The following TMEM161B variants were observed in gnomAD, a reference collection of about 807,000 sequenced individuals.
TMEM161B encodes transmembrane protein 161B.
Under a neutral mutation model 61.8 loss-of-function variants are expected in TMEM161B, and 34 were observed. The observed-to-expected ratio is 0.55, with a 90% CI of 0.42 to 0.73. TMEM161B has a LOEUF of 0.73. TMEM161B is among the 30% of genes least tolerant of loss of function. TMEM161B has a pLI of 0.00. For synonymous variants in TMEM161B, 167 were observed against 192.8 expected (o/e 0.87, Z 1.11); for missense variants, 456 against 558.5 (o/e 0.82, Z 1.85).
downstream of TMEM161B, among the ~76,000 whole-genome samples, chr5:88,191,909 ACCGCG>A (rs945126876): frequency 1.5e-5 from 2 of 132,238 alleles, no homozygotes; most frequent in African/African-American, 5.8e-5. Flanking sequence ...GTGAGCCGAG[ACCGCG>A]CCACTGCACT....
chr5:88,187,552 A>G (rs1169366782), downstream of TMEM161B, among the ~76,000 whole-genome samples: 1 of 152,166 alleles, frequency 6.6e-6, no homozygotes, highest in Non-Finnish European at 1.5e-5. Context: ...GTAAAAAGCT[A>G]CTTCTAACTT....
chr5:88,233,404 G>C (rs557278529), intron 2 of TMEM161B, among the ~76,000 whole-genome samples: 1 of 152,148 alleles, frequency 6.6e-6, no homozygotes, highest in South Asian at 2.1e-4. Flanking sequence ...AAAGCACAGA[G>C]GCATGAAAGA....
At chr5:88,225,700 A>G (rs1749944185) in intron 4 of TMEM161B, 69 bp downstream of exon 4, 1 of 1,003,104 alleles carries the variant, frequency 1.0e-6, no homozygotes, top group Non-Finnish European at 1.5e-6. Flanking sequence ...AATGATTAAA[A>G]TGAAAGTACT....
rs766857198 is a variant in TMEM161B, at chr5:88,202,913, G to A, written c.914+49C>T. 4 of 1,188,402 alleles carry A rather than the reference G, an allele frequency of 3.4e-6. No homozygotes were observed. In the East Asian group the frequency reaches 7.0e-5, roughly 21 times the overall value. The allele number at this position is 1,188,402 out of a possible 1,614,324, so 73.6% of individuals were successfully genotyped here. A position where few individuals can be genotyped will look rare whatever the true frequency, so the allele number is the denominator to read the frequency against. On this transcript the variant is annotated intron_variant, in intron 9 of 11. Coordinates refer to ENST00000296595, the MANE Select transcript of TMEM161B (RefSeq NM_153354.5). ...AACGAAATACAGTAAATAACATTTA[G>A]TAAAGCAGTTTTGGTGATAAAAATC...
intron 1 of TMEM161B, among the ~76,000 whole-genome samples, chr5:88,263,315 T>C (rs1406828673): frequency 6.6e-6 from 1 of 152,166 alleles, no homozygotes; most frequent in Non-Finnish European, 1.5e-5. Context: ...CATGAGATCA[T>C]CAGCCTCTCC....
At chr5:88,189,947 T>C in exon 13 of TMEM161B, 3 of 642,144 alleles carry the variant, frequency 4.7e-6, no homozygotes, top group Middle Eastern at 8.2e-4. Context: ...GCAGTTTCCA[T>C]GTGATCCCCA....
chr5:88,248,534 C>T (rs867908713), intron 1 of TMEM161B, among the ~76,000 whole-genome samples: 3 of 152,148 alleles, frequency 2.0e-5, no homozygotes, highest in South Asian at 2.1e-4. Context: ...AGAGGGATCG[C>T]TCTGCTTACA....
At chr5:88,264,555 C>T (rs185804285) in intron 1 of TMEM161B, among the ~76,000 whole-genome samples, 1 of 152,218 alleles carries the variant, frequency 6.6e-6, no homozygotes, top group African/African-American at 2.4e-5. Context: ...ACCAGAAATA[C>T]CATTTGACCC....
chr5:88,199,089 G>T lies in TMEM161B; in HGVS notation c.976C>A (p.Arg326=), dbSNP rs746854349. 1 of 1,612,782 alleles carries T rather than the reference G, an allele frequency of 6.2e-7. No homozygotes were observed. Among genetic ancestry groups the T allele is most frequent in the Admixed American group, 1.7e-5 (1 of 59,808 alleles). Residue 326 remains arginine, a synonymous_variant, in exon 10 of 12, where the codon CGG becomes AGG. Coordinates refer to ENST00000296595, the MANE Select transcript of TMEM161B (RefSeq NM_153354.5). The part of the protein sequence containing the change: ...LWLIILLCAL[R]LAMMRSHLQA... Reference sequence around the variant, plus strand: ...AGGTGACTACGCATCATGGCCAACCGCAAAGCACACAGCAGGATTATTAAC... The same window carrying T: ...AGGTGACTACGCATCATGGCCAACCTCAAAGCACACAGCAGGATTATTAAC...
chr5:88,261,599 T>C (rs986561140), intron 1 of TMEM161B, among the ~76,000 whole-genome samples: 64 of 147,590 alleles, frequency 4.3e-4, no homozygotes, highest in African/African-American at 1.5e-3. Context: ...CAGAATAGAA[T>C]AGAGGGGCCA....
At chr5:88,224,860 T>C (rs1161952744) in intron 4 of TMEM161B, among the ~76,000 whole-genome samples, 1 of 152,142 alleles carries the variant, frequency 6.6e-6, no homozygotes, top group Non-Finnish European at 1.5e-5. Flanking sequence ...ACAGGAAATA[T>C]ATTTTTTCTC....
chr5:88,215,497 C>CAA (rs34713537), intron 5 of TMEM161B, among the ~76,000 whole-genome samples: 21 of 150,434 alleles, frequency 1.4e-4, no homozygotes, highest in East Asian at 1.9e-4. Context: ...CAGGTTTGAA[C>CAA]AAAAAAAAAA....
chr5:88,254,443 T>C (rs919520135), intron 1 of TMEM161B, among the ~76,000 whole-genome samples: 11 of 152,166 alleles, frequency 7.2e-5, no homozygotes, highest in African/African-American at 2.7e-4. Flanking sequence ...AGCTAAAATT[T>C]GTGAAAATTT....
chr5:88,191,979 A>AGT (rs1748942379), downstream of TMEM161B, among the ~76,000 whole-genome samples: 3 of 42,230 alleles, frequency 7.1e-5, no homozygotes, highest in Admixed American at 3.6e-4. Flanking sequence ...AAAAAAAAAA[A>AGT]GTGTATATAT....
At chr5:88,237,714 C>CCA (rs1402504237) in intron 2 of TMEM161B, among the ~76,000 whole-genome samples, 1 of 64,528 alleles carries the variant, frequency 1.5e-5, no homozygotes, top group Non-Finnish European at 3.3e-5. Context: ...AACCAGACTA[C>CCA]TATACAGTTT....
Position 88,228,514 on chromosome 5 carries a change from T to C in TMEM161B, c.122A>G (p.Gln41Arg). Residue 41 changes from glutamine to arginine, a missense_variant, in exon 3 of 12, where the codon CAA (glutamine) becomes CGA (arginine). Gln to Arg is a conservative substitution (Grantham distance 43). Transcript: ENST00000296595. Reference protein sequence around the residue: ...LLCNGSLRWYQHPTEEELRIL... With the variant: ...LLCNGSLRWYRHPTEEELRIL... ...TCTTAATTCTTCTTCTGTAGGATGT[T>C]GATACCACCTCAAACTAAGCAAAAA... is the stretch of plus-strand genomic sequence containing the variant. 4.4e-6 allele frequency: 7 copies of C among 1,605,808 alleles called. No homozygotes were observed. Among genetic ancestry groups the C allele is most frequent in the Non-Finnish European group, 4.2e-6 (5 of 1,177,464 alleles).
intron 10 of TMEM161B, 156 bp downstream of exon 10, chr5:88,198,820 A>C (rs954762191): frequency 2.9e-6 from 2 of 690,370 alleles, no homozygotes; most frequent in Non-Finnish European, 4.6e-6. Flanking sequence ...AATCAGATCA[A>C]GGTCTCTTTG....
intron 1 of TMEM161B, among the ~76,000 whole-genome samples, chr5:88,249,255 C>T (rs987256046): frequency 1.3e-5 from 2 of 152,078 alleles, no homozygotes; most frequent in African/African-American, 4.8e-5. Context: ...CCAGAAAGGA[C>T]TCAGTCCCTA....
chr5:88,219,705 T>C (rs1748562755), intron 5 of TMEM161B, among the ~76,000 whole-genome samples: 2 of 152,164 alleles, frequency 1.3e-5, no homozygotes, highest in African/African-American at 2.4e-5. Flanking sequence ...ATTTCTTTCT[T>C]AGAATTTTCT....
Sources: gnomAD v4.1 joint callset for allele counts (sites outside exome capture counted in the v4.1 genomes callset) on GRCh38, gnomAD v4.1.1 for gene constraint, MANE v1.5 for transcripts, NCBI Gene and HGNC (gene_info 2026-07-23, HGNC 2026-07-21) for gene names.